Variants in FERMT2 observed in about 807,000 individuals in gnomAD.
FERMT2 encodes the protein FERM domain containing kindlin 2.
Under a neutral mutation model 82.7 loss-of-function variants are expected in FERMT2, and 15 were observed. That is an observed-to-expected ratio of 0.18 (90% confidence interval 0.12 to 0.28). The LOEUF (loss-of-function observed/expected upper bound fraction) is 0.28, where lower values mean the gene tolerates loss of function less well. Ranked by LOEUF, FERMT2 falls within the 10% of genes least tolerant of loss-of-function variation. The pLI is 1.00. For synonymous variants in FERMT2, 274 were observed against 271.5 expected (o/e 1.01, Z -0.09); for missense variants, 645 against 809.4 (o/e 0.80, Z 2.46).
chr14:52,911,996 C>G (rs1028490568), intron 3 of FERMT2, among the ~76,000 whole-genome samples: 1 of 151,312 alleles, frequency 6.6e-6, no homozygotes. Context: ...GATATTGACC[C>G]CCACCCTACC....
intron 2 of FERMT2, among the ~76,000 whole-genome samples, chr14:52,934,979 T>C (rs1889771353): frequency 6.6e-6 from 1 of 152,240 alleles, no homozygotes; most frequent in Non-Finnish European, 1.5e-5. Flanking sequence ...GAGCTTCTGT[T>C]ATTTACATAG....
intron 2 of FERMT2, among the ~76,000 whole-genome samples, chr14:52,927,658 T>C (rs1889361159): frequency 7.2e-6 from 1 of 138,034 alleles, no homozygotes; most frequent in Admixed American, 7.3e-5. Context: ...TGGTCCTAGC[T>C]ACCTGGAGGC....
At chr14:52,914,058 G>A (rs754144929) in intron 3 of FERMT2, among the ~76,000 whole-genome samples, 5 of 151,944 alleles carry the variant, frequency 3.3e-5, no homozygotes, top group Admixed American at 6.6e-5. Flanking sequence ...AGTTAAAGGC[G>A]CTAGCAATTA....
chr14:52,884,164 G>T (rs1886452466), intron 4 of FERMT2, among the ~76,000 whole-genome samples: 2 of 152,190 alleles, frequency 1.3e-5, no homozygotes, highest in South Asian at 4.1e-4. Flanking sequence ...GTTCTTATTT[G>T]TTCTGTAGGC....
At chr14:52,869,225 T>C (rs1184258827) in intron 10 of FERMT2, among the ~76,000 whole-genome samples, 6 of 152,216 alleles carry the variant, frequency 3.9e-5, no homozygotes, top group Admixed American at 3.3e-4. Flanking sequence ...GAGAGGAAGG[T>C]AGTGACCCTA....
chr14:52,865,155 C>G (rs1885194295), intron 10 of FERMT2, among the ~76,000 whole-genome samples: 1 of 152,148 alleles, frequency 6.6e-6, no homozygotes, highest in Admixed American at 6.5e-5. Context: ...AACCATGTCT[C>G]TACTAAATAC....
At chr14:52,923,696 T>C (rs1261212093) in intron 2 of FERMT2, among the ~76,000 whole-genome samples, 1 of 151,764 alleles carries the variant, frequency 6.6e-6, no homozygotes, top group African/African-American at 2.4e-5. Context: ...GTGGTCCGTT[T>C]ACCCACAGAA....
rs745606940 is a variant in FERMT2, at chr14:52,934,261, ACT to A, written c.158-14907_158-14906del. On this transcript the variant is annotated intron_variant, in intron 2 of 14. Coordinates refer to ENST00000341590, the MANE Select transcript of FERMT2 (RefSeq NM_006832.3). ...AAAGTTCATGTTAAAAACATTAAAA[ACT>A]CTTACTGTTGATTATAAATGTACAT... Among the ~76,000 whole-genome samples the A allele has an allele frequency of 4.6e-5, 7 of 151,954 alleles. No homozygotes were observed. The East Asian group carries it at 1.4e-3, about 30-fold the overall frequency.
At chr14:52,916,033 T>C (rs1888594502) in intron 3 of FERMT2, among the ~76,000 whole-genome samples, 1 of 152,140 alleles carries the variant, frequency 6.6e-6, no homozygotes, top group African/African-American at 2.4e-5. Flanking sequence ...GACGATGGAA[T>C]ACTATTTAGC....
At chr14:52,901,784 C>G (rs1307019948) in intron 3 of FERMT2, among the ~76,000 whole-genome samples, 2 of 152,174 alleles carry the variant, frequency 1.3e-5, no homozygotes, top group African/African-American at 4.8e-5. Flanking sequence ...GGAACGCAGC[C>G]CTGCTGACAC....
At chr14:52,865,398 A>G (rs1356965638) in intron 10 of FERMT2, among the ~76,000 whole-genome samples, 1 of 152,228 alleles carries the variant, frequency 6.6e-6, no homozygotes, top group African/African-American at 2.4e-5. Context: ...ATGGCATAAC[A>G]GCTGGCATAA....
chr14:52,860,424 C>T lies in FERMT2; in HGVS notation c.1644G>A (p.Gln548=). The T allele has an allele frequency of 6.2e-7, 1 of 1,613,622 alleles. No homozygotes were observed. The highest frequency in any genetic ancestry group is 2.2e-5 in the East Asian group (1 of 44,856). Residue 548 remains glutamine (Q), a synonymous_variant, in exon 13 of 15, where the codon CAG becomes CAA. Transcript: ENST00000341590. The part of the protein sequence containing the change: ...RILEAHQNVA[Q]MSLIEAKMRF... Reference sequence around the variant, plus strand: ...TCATCTTGGCTTCAATTAGACTCATCTGAGCTACATTCTGATGGGCCTCCA... The same window carrying T: ...TCATCTTGGCTTCAATTAGACTCATTTGAGCTACATTCTGATGGGCCTCCA...
At chr14:52,891,826 G>A (rs1286087945) in intron 4 of FERMT2, among the ~76,000 whole-genome samples, 2 of 152,174 alleles carry the variant, frequency 1.3e-5, no homozygotes, top group African/African-American at 2.4e-5. Context: ...ATATGCCCAC[G>A]ATTAAAGAAC....
chr14:52,927,991 A>T (rs923672043), intron 2 of FERMT2: 7 of 376,316 alleles, frequency 1.9e-5, no homozygotes, highest in East Asian at 1.5e-4. Context: ...ATTCTTTTTT[A>T]AAAAAAGAAA....
At chr14:52,868,898 G>A (rs920443669) in intron 10 of FERMT2, among the ~76,000 whole-genome samples, 40 of 152,224 alleles carry the variant, frequency 2.6e-4, no homozygotes, top group African/African-American at 9.7e-4. Context: ...TTATCAGTGC[G>A]GTGCCTGTGA....
intron 3 of FERMT2, among the ~76,000 whole-genome samples, chr14:52,904,651 C>T (rs1180406529): frequency 6.6e-6 from 1 of 151,054 alleles, no homozygotes; most frequent in African/African-American, 2.4e-5. Context: ...CGAGATTGCA[C>T]CACTGCACTC....
At chr14:52,923,388 T>C (rs1594999792) in intron 2 of FERMT2, among the ~76,000 whole-genome samples, 2 of 151,820 alleles carry the variant, frequency 1.3e-5, no homozygotes, top group South Asian at 4.2e-4. Context: ...AAGCCCAAAA[T>C]ACCTACTATC....
chr14:52,940,070 T>TA (rs1239612341), intron 2 of FERMT2, among the ~76,000 whole-genome samples: 1 of 152,156 alleles, frequency 6.6e-6, no homozygotes, highest in African/African-American at 2.4e-5. Context: ...CAACATGATG[T>TA]AAAAATAAGA....
chr14:52,921,377 C>T (rs1888948145), intron 2 of FERMT2, among the ~76,000 whole-genome samples: 1 of 152,176 alleles, frequency 6.6e-6, no homozygotes, highest in South Asian at 2.1e-4. Context: ...AAAGTCCTGC[C>T]AATCATGTTA....
Sources: allele counts gnomAD v4.1 joint callset (sites outside exome capture counted in the v4.1 genomes callset), GRCh38; gene constraint gnomAD v4.1.1; transcripts MANE v1.5; gene names NCBI Gene and HGNC (gene_info 2026-07-23, HGNC 2026-07-21).